KCNAB1: variants seen among roughly 807,000 people sequenced by gnomAD.
KCNAB1 encodes the protein voltage-gated potassium channel subunit beta-1.
In KCNAB1, 35 loss-of-function variants were observed where a neutral mutation model predicts 64.6. The observed-to-expected ratio is 0.54, with a 90% CI of 0.41 to 0.72. The LOEUF is 0.72. KCNAB1 is among the 30% of genes least tolerant of loss of function. KCNAB1 has a pLI of 0.00. For synonymous variants in KCNAB1, 177 were observed against 183.8 expected (o/e 0.96, Z 0.30); for missense variants, 401 against 512.9 (o/e 0.78, Z 2.11).
At chr3:156,435,664 G>A (rs1253787715) in intron 2 of KCNAB1, among the ~76,000 whole-genome samples, 1 of 152,206 alleles carries the variant, frequency 6.6e-6, no homozygotes, top group Non-Finnish European at 1.5e-5. Context: ...AGACAGAAGA[G>A]AAGGGAAAGA....
chr3:156,533,123 C>G (rs990904334), intron 13 of KCNAB1, among the ~76,000 whole-genome samples: 5 of 152,134 alleles, frequency 3.3e-5, no homozygotes, highest in African/African-American at 1.2e-4. Context: ...GTTTTACGTG[C>G]CAGTAGGAGA....
chr3:156,266,394 T>C (rs758535618), intron 1 of KCNAB1, among the ~76,000 whole-genome samples: 3 of 152,222 alleles, frequency 2.0e-5, no homozygotes, highest in Non-Finnish European at 4.4e-5. Flanking sequence ...ACTATTCCCA[T>C]CCAGTTATGT....
chr3:156,290,962 G>A (rs1560177323), intron 1 of KCNAB1: 1 of 985,204 alleles, frequency 1.0e-6, no homozygotes, highest in Non-Finnish European at 1.2e-6. Context: ...GTTTCAGCAA[G>A]CCAGTCACAG....
chr3:156,482,506 G>A (rs1714897682), intron 8 of KCNAB1, among the ~76,000 whole-genome samples: 1 of 150,594 alleles, frequency 6.6e-6, no homozygotes, highest in Non-Finnish European at 1.5e-5. Flanking sequence ...AAGTTATGGG[G>A]GTAGATTTTA....
intron 1 of KCNAB1, among the ~76,000 whole-genome samples, chr3:156,337,979 T>C (rs1227501559): frequency 2.0e-5 from 3 of 152,136 alleles, no homozygotes; most frequent in Non-Finnish European, 4.4e-5. Flanking sequence ...TATAGTCTGG[T>C]GGGGATGGCG....
rs1350104796 is a variant in KCNAB1, at chr3:156,474,838, A to G, written c.658+18A>G. ...CATGGAAGGTAAGTTAAGAAAGCTA[A>G]TAAAATACTCTAGAAATCTTGATTC... is the stretch of plus-strand genomic sequence containing the variant. On this transcript the variant is annotated intron_variant, in intron 8 of 13. Coordinates refer to ENST00000490337, the MANE Select transcript of KCNAB1 (RefSeq NM_172160.3). 1.3e-6 allele frequency: 2 copies of G among 1,574,106 alleles called. No individual in the cohort carries two copies. Among genetic ancestry groups the G allele is most frequent in the Admixed American group, 1.7e-5 (1 of 59,854 alleles).
At chr3:156,165,133 C>A (rs1577660737) in intron 1 of KCNAB1, among the ~76,000 whole-genome samples, 1 of 151,486 alleles carries the variant, frequency 6.6e-6, no homozygotes, top group East Asian at 1.9e-4. Flanking sequence ...AAAAAATTAG[C>A]CGGGCGTAGT....
intron 1 of KCNAB1, among the ~76,000 whole-genome samples, chr3:156,136,329 GA>G (rs1158652333): frequency 2.0e-5 from 3 of 152,186 alleles, no homozygotes; most frequent in African/African-American, 7.2e-5. Flanking sequence ...GTTTCCGGGG[GA>G]AGAAACTGTG....
At chr3:156,356,663 A>C (rs1254215336) in intron 1 of KCNAB1, among the ~76,000 whole-genome samples, 1 of 152,202 alleles carries the variant, frequency 6.6e-6, no homozygotes, top group Non-Finnish European at 1.5e-5. Context: ...AAAATGCAGC[A>C]CAAGTTAAAT....
chr3:156,497,546 T>C (rs1716090979), intron 8 of KCNAB1, among the ~76,000 whole-genome samples: 1 of 152,330 alleles, frequency 6.6e-6, no homozygotes, highest in East Asian at 1.9e-4. Flanking sequence ...GACAGGATAA[T>C]AGAATAAGAA....
At chr3:156,313,231 A>G (rs921727298) in intron 1 of KCNAB1, among the ~76,000 whole-genome samples, 3 of 152,208 alleles carry the variant, frequency 2.0e-5, no homozygotes, top group African/African-American at 4.8e-5. Flanking sequence ...GCTGGATTCA[A>G]TATTAAAATG....
chr3:156,149,685 G>A (rs1560108663), intron 1 of KCNAB1, among the ~76,000 whole-genome samples: 1 of 152,188 alleles, frequency 6.6e-6, no homozygotes, highest in Middle Eastern at 3.4e-3. Flanking sequence ...AAAGGGTAAC[G>A]CCATCCTCTC....
intron 1 of KCNAB1, chr3:156,227,631 G>T (rs1244440508): frequency 6.6e-6 from 1 of 152,210 alleles, no homozygotes; most frequent in African/African-American, 2.4e-5. Flanking sequence ...TAGGAAATTT[G>T]TTCCTGGTCA....
At chr3:156,491,721 T>C (rs1173986043) in intron 8 of KCNAB1, among the ~76,000 whole-genome samples, 2 of 152,094 alleles carry the variant, frequency 1.3e-5, no homozygotes, top group African/African-American at 4.8e-5. Flanking sequence ...TATTTTCTTA[T>C]ATTGCCTTTA....
chr3:156,180,253 G>A (rs1712716897), intron 1 of KCNAB1, among the ~76,000 whole-genome samples: 2 of 152,180 alleles, frequency 1.3e-5, no homozygotes, highest in Non-Finnish European at 2.9e-5. Flanking sequence ...GACTTGGAGA[G>A]GTGAAATAAT....
intron 1 of KCNAB1, among the ~76,000 whole-genome samples, chr3:156,261,095 A>G (rs886554997): frequency 2.0e-5 from 3 of 152,004 alleles, no homozygotes; most frequent in African/African-American, 7.2e-5. Flanking sequence ...GTTGGGTTAC[A>G]TATCTTCTTT....
intron 1 of KCNAB1, among the ~76,000 whole-genome samples, chr3:156,253,303 G>A (rs1717933855): frequency 1.3e-5 from 2 of 152,184 alleles, no homozygotes; most frequent in African/African-American, 4.8e-5. Context: ...ACACTGAACA[G>A]GAGTGAGATA....
intron 1 of KCNAB1, among the ~76,000 whole-genome samples, chr3:156,194,555 T>G (rs1250191207): frequency 6.6e-6 from 1 of 152,166 alleles, no homozygotes; most frequent in Non-Finnish European, 1.5e-5. Flanking sequence ...TTGGTATAGC[T>G]TTCTTTAAGT....
rs573244947 is a variant in KCNAB1 at position 156,521,564 on chromosome 3, G to A, written c.961-2263G>A. On this transcript the variant is annotated intron_variant, in intron 11 of 13. Coordinates refer to ENST00000490337, the MANE Select transcript of KCNAB1 (RefSeq NM_172160.3). Reference sequence around the variant, plus strand: ...CAACATGTAATCAAATCATTGCAGTGCAGTGGGGTGATAGAATAGGGTTGG... The same window carrying A: ...CAACATGTAATCAAATCATTGCAGTACAGTGGGGTGATAGAATAGGGTTGG... 2.0e-5 allele frequency among the ~76,000 whole-genome samples: 3 copies of A among 152,286 alleles called. No homozygotes were observed. The South Asian group carries it at 6.2e-4, about 32-fold the overall frequency.
Sources: gnomAD v4.1 joint callset for allele counts (sites outside exome capture counted in the v4.1 genomes callset) on GRCh38, gnomAD v4.1.1 for gene constraint, MANE v1.5 for transcripts, NCBI Gene and HGNC (gene_info 2026-07-23, HGNC 2026-07-21) for gene names.